The following MAML2 variants were observed in gnomAD, a reference collection of about 807,000 sequenced individuals.
The protein encoded by MAML2 is mastermind like transcriptional coactivator 2, also known as mastermind-like protein 2.
A neutral mutation model predicts 96.1 loss-of-function variants in MAML2; 22 were observed. The observed-to-expected ratio is 0.23, with a 90% CI of 0.16 to 0.33. The LOEUF (loss-of-function observed/expected upper bound fraction) is 0.33, where lower values mean the gene tolerates loss of function less well. Ranked by LOEUF, MAML2 falls within the 10% of genes least tolerant of loss-of-function variation. The pLI, the probability that MAML2 is intolerant of heterozygous loss-of-function variation, is 1.00. For synonymous variants in MAML2, 561 were observed against 521.3 expected (o/e 1.08, Z -1.04); for missense variants, 1,367 against 1,392.4 (o/e 0.98, Z 0.29).
At chr11:96,129,434 A>G (rs2135854335) in intron 1 of MAML2, among the ~76,000 whole-genome samples, 1 of 152,258 alleles carries the variant, frequency 6.6e-6, no homozygotes, top group South Asian at 2.1e-4. Flanking sequence ...CTCATCCAGG[A>G]ACCACAATTT....
At chr11:96,161,612 T>A (rs144103249) in intron 1 of MAML2, among the ~76,000 whole-genome samples, 28 of 152,314 alleles carry the variant, frequency 1.8e-4, no homozygotes, top group Non-Finnish European at 3.1e-4. Flanking sequence ...AAGAAGAATG[T>A]GAGGCAATAA....
intron 1 of MAML2, among the ~76,000 whole-genome samples, chr11:96,280,192 G>T (rs1273627578): frequency 6.6e-6 from 1 of 152,206 alleles, no homozygotes; most frequent in African/African-American, 2.4e-5. Flanking sequence ...AGCAGACACT[G>T]TGTAGTTGGT....
At chr11:96,082,918 G>A (rs573720053) in intron 2 of MAML2, among the ~76,000 whole-genome samples, 1 of 152,314 alleles carries the variant, frequency 6.6e-6, no homozygotes, top group East Asian at 1.9e-4. Context: ...TCAAAACGGG[G>A]CTCAAAGGGG....
chr11:95,989,528 T>C (rs1157426607), intron 3 of MAML2, among the ~76,000 whole-genome samples: 1 of 152,212 alleles, frequency 6.6e-6, no homozygotes, highest in Non-Finnish European at 1.5e-5. Flanking sequence ...TGTGTTATAA[T>C]TCATGAAATT....
rs868379704 is a variant in MAML2, at chr11:96,329,197, G to C, written c.513+12186C>G. 3.9e-5 allele frequency among the ~76,000 whole-genome samples: 6 copies of C among 152,148 alleles called. No homozygotes were observed. In the South Asian group the frequency reaches 6.2e-4, roughly 16 times the overall value. Reference sequence around the variant, plus strand: ...GAGAGGATCTGGGGAAAAAAAATCAGTACTCTCTCTAAAAATAAATTTAAT... The same window carrying C: ...GAGAGGATCTGGGGAAAAAAAATCACTACTCTCTCTAAAAATAAATTTAAT... On this transcript the variant is annotated intron_variant, in intron 1 of 4. Transcript: ENST00000524717.
intron 1 of MAML2, among the ~76,000 whole-genome samples, chr11:96,120,111 G>C (rs992798003): frequency 6.6e-6 from 1 of 151,976 alleles, no homozygotes; most frequent in Non-Finnish European, 1.5e-5. Context: ...GCGCCTGCCA[G>C]CACGCCCGGC....
At chr11:96,330,202 T>G (rs959100936) in intron 1 of MAML2, among the ~76,000 whole-genome samples, 2 of 152,208 alleles carry the variant, frequency 1.3e-5, no homozygotes, top group Non-Finnish European at 2.9e-5. Context: ...TAGGAGAATG[T>G]TGATGCACAT....
intron 1 of MAML2, among the ~76,000 whole-genome samples, chr11:96,255,267 T>C (rs960369972): frequency 5.9e-5 from 9 of 152,250 alleles, no homozygotes; most frequent in Admixed American, 5.9e-4. Flanking sequence ...GTTCGTTGCA[T>C]AACTGTCAAG....
chr11:96,127,704 T>A (rs1860471257), intron 1 of MAML2, among the ~76,000 whole-genome samples: 1 of 152,238 alleles, frequency 6.6e-6, no homozygotes, highest in Non-Finnish European at 1.5e-5. Context: ...TGGCACAGAT[T>A]ACTGCCTTCG....
intron 2 of MAML2, among the ~76,000 whole-genome samples, chr11:96,016,268 G>T (rs190790829): frequency 1.3e-5 from 2 of 150,926 alleles, no homozygotes; most frequent in East Asian, 3.9e-4. Flanking sequence ...TACATGGGGG[G>T]AGGGTGGGTG....
chr11:96,052,990 C>A (rs1477728278), intron 2 of MAML2, among the ~76,000 whole-genome samples: 2 of 152,244 alleles, frequency 1.3e-5, no homozygotes, highest in Non-Finnish European at 2.9e-5. Context: ...GTCAGCATAG[C>A]TTACATTTCA....
At chr11:96,127,696 G>T (rs1860471195) in intron 1 of MAML2, among the ~76,000 whole-genome samples, 1 of 152,146 alleles carries the variant, frequency 6.6e-6, no homozygotes, top group Non-Finnish European at 1.5e-5. Context: ...TTGGATTTTG[G>T]CACAGATTAC....
chr11:96,209,899 A>G (rs1226606295), intron 1 of MAML2, among the ~76,000 whole-genome samples: 4 of 152,220 alleles, frequency 2.6e-5, no homozygotes. Context: ...GAATAGTTTA[A>G]TAATATATTA....
intron 1 of MAML2, among the ~76,000 whole-genome samples, chr11:96,237,860 TAACA>T (rs941122103): frequency 1.3e-5 from 2 of 152,258 alleles, no homozygotes; most frequent in African/African-American, 2.4e-5. Flanking sequence ...ATGTTTATTT[TAACA>T]AACACTTTGT....
At chr11:96,307,187 C>T (rs1008833297) in intron 1 of MAML2, among the ~76,000 whole-genome samples, 7 of 152,210 alleles carry the variant, frequency 4.6e-5, no homozygotes, top group African/African-American at 7.2e-5. Context: ...TCCCTGCTCC[C>T]GCTTTCCTTT....
At chr11:96,328,642 C>T (rs1439250883) in intron 1 of MAML2, among the ~76,000 whole-genome samples, 7 of 152,042 alleles carry the variant, frequency 4.6e-5, no homozygotes, top group South Asian at 2.1e-4. Flanking sequence ...ACTGTGTTAC[C>T]GTAAAAATTC....
At chr11:96,148,659 T>TACACACACACACACACACACAC (rs58470055) in intron 1 of MAML2, among the ~76,000 whole-genome samples, 1 of 131,960 alleles carries the variant, frequency 7.6e-6, no homozygotes, top group African/African-American at 2.9e-5. Flanking sequence ...TTCTGAAAAA[T>TACACACACACACACACACACAC]ACACACACAC....
chr11:95,996,113 C>G (rs918888721), intron 2 of MAML2, among the ~76,000 whole-genome samples: 1 of 152,078 alleles, frequency 6.6e-6, no homozygotes, highest in Non-Finnish European at 1.5e-5. Context: ...CACCTAATGC[C>G]TAGTCACCCA....
intron 2 of MAML2, among the ~76,000 whole-genome samples, chr11:96,016,294 G>A (rs1271269812): frequency 6.6e-6 from 1 of 151,978 alleles, no homozygotes; most frequent in East Asian, 1.9e-4. Flanking sequence ...TGCACATTAG[G>A]AGGGAGCAGA....
Sources: allele counts gnomAD v4.1 joint callset (sites outside exome capture counted in the v4.1 genomes callset), GRCh38; gene constraint gnomAD v4.1.1; transcripts MANE v1.5; gene names NCBI Gene and HGNC (gene_info 2026-07-23, HGNC 2026-07-21).